ILRUN: variants seen among roughly 807,000 people sequenced by gnomAD.
The protein encoded by ILRUN is inflammation and lipid regulator with UBA-like and NBR1-like domains, also known as protein ILRUN.
A neutral mutation model predicts 33.8 loss-of-function variants in ILRUN; 3 were observed. The ratio of observed to expected loss-of-function variants is 0.09; its 90% CI spans 0.04 to 0.23. The LOEUF (loss-of-function observed/expected upper bound fraction) is 0.23. ILRUN is among the 10% of genes least tolerant of loss of function. The pLI is 1.00. For missense variants in ILRUN, 210 were observed against 375.1 expected, an observed-to-expected ratio of 0.56 and a Z score of 3.64; for synonymous variants, 124 against 138.9, an observed-to-expected ratio of 0.89 and a Z score of 0.75.
intron 1 of ILRUN, among the ~76,000 whole-genome samples, chr6:34,678,028 T>C (rs1286803625): frequency 6.6e-6 from 1 of 151,832 alleles, no homozygotes; most frequent in African/African-American, 2.4e-5. Context: ...ATATTTAATA[T>C]TACCTAATTT....
chr6:34,614,266 C>T (rs753674496), intron 3 of ILRUN, among the ~76,000 whole-genome samples: 81 of 151,168 alleles, frequency 5.4e-4, no homozygotes, highest in Middle Eastern at 3.4e-3. Context: ...ACTAAATATA[C>T]AAAAAATTAG....
chr6:34,612,198 G>C (rs1456569983), intron 3 of ILRUN, among the ~76,000 whole-genome samples: 1 of 152,080 alleles, frequency 6.6e-6, no homozygotes. Context: ...CAGACTGCTT[G>C]AACTCAGGAG....
chr6:34,601,110 G>A (rs993324616), intron 4 of ILRUN, among the ~76,000 whole-genome samples: 5 of 152,088 alleles, frequency 3.3e-5, no homozygotes, highest in African/African-American at 1.2e-4. Flanking sequence ...AAAAACTGGA[G>A]GCTGGGAAGC....
intron 1 of ILRUN, among the ~76,000 whole-genome samples, chr6:34,660,118 A>G (rs1762857628): frequency 6.7e-6 from 1 of 149,092 alleles, no homozygotes; most frequent in South Asian, 2.1e-4. Flanking sequence ...CCTAGGTAAC[A>G]TGGCGAAACC....
chr6:34,660,349 G>A (rs1158351324), intron 1 of ILRUN, among the ~76,000 whole-genome samples: 2 of 150,846 alleles, frequency 1.3e-5, no homozygotes. Context: ...AATGCCATTA[G>A]CTCAGATTCT....
At chr6:34,682,566 T>C (rs892653471) in intron 1 of ILRUN, among the ~76,000 whole-genome samples, 51 of 151,064 alleles carry the variant, frequency 3.4e-4, no homozygotes, top group Non-Finnish European at 2.4e-4. Context: ...CCAATCTCTG[T>C]CTTCTGAAGT....
chr6:34,601,393 C>T (rs944052277), intron 4 of ILRUN, among the ~76,000 whole-genome samples: 1 of 152,140 alleles, frequency 6.6e-6, no homozygotes, highest in Admixed American at 6.5e-5. Context: ...CATCTTTAAA[C>T]CTTTCATGGA....
Position 34,638,284 on chromosome 6 carries a change from C to T in ILRUN, c.511+8317G>A, listed in dbSNP as rs1204265836. On this transcript the variant is annotated intron_variant, in intron 3 of 4. Coordinates refer to ENST00000374023, the MANE Select transcript of ILRUN (RefSeq NM_024294.4). ...TGGCAGTGCAACTGACGGCAGGTTT[C>T]CTTCTTCAAAGATGAAATAGCCTAT... Among the ~76,000 whole-genome samples the T allele has an allele frequency of 6.6e-5, 10 of 152,170 alleles. No homozygotes were observed. In the East Asian group the frequency reaches 1.7e-3, roughly 26 times the overall value.
intron 1 of ILRUN, among the ~76,000 whole-genome samples, chr6:34,665,020 G>C (rs1161553001): frequency 2.0e-5 from 3 of 152,078 alleles, no homozygotes; most frequent in African/African-American, 7.2e-5. Flanking sequence ...CCAGGCTGGA[G>C]AGTGCAGTGG....
chr6:34,591,333 T>A lies in ILRUN; in HGVS notation c.862-733A>T, dbSNP rs781205384. Among the ~76,000 whole-genome samples, 15 of 152,074 alleles carry A rather than the reference T, an allele frequency of 9.9e-5. 1 individual carries two copies. Among genetic ancestry groups the A allele is most frequent in the African/African-American group, 1.4e-4 (6 of 41,486 alleles). On this transcript the variant is annotated intron_variant, in intron 4 of 4. Coordinates refer to ENST00000374023, the MANE Select transcript of ILRUN (RefSeq NM_024294.4). The stretch of plus-strand genomic sequence containing the variant: ...TAGTCAGAACCCACCCCTATAAAAA[T>A]TTTTTTAAAAAATTAGCCAGGCATG...
intron 3 of ILRUN, among the ~76,000 whole-genome samples, chr6:34,614,326 G>A (rs1761822827): frequency 2.6e-5 from 4 of 151,424 alleles, no homozygotes; most frequent in African/African-American, 9.7e-5. Context: ...GGAGGCTGAG[G>A]CAGGAGAATG....
At position 34,590,602 on chromosome 6, in the gene ILRUN, T is replaced by C; in HGVS notation, c.862-2A>G. 1 of 1,598,852 alleles carries C rather than the reference T, an allele frequency of 6.3e-7. No individual in the cohort carries two copies. ...GAAGGGGTAAGGCCCATGGAGCCCCTGGAAGAGAGTGAAGATAGTCAGTGA... is the reference window on the plus strand; with the variant it reads ...GAAGGGGTAAGGCCCATGGAGCCCCCGGAAGAGAGTGAAGATAGTCAGTGA... On this transcript the variant is annotated splice_acceptor_variant, in intron 4 of 4. Transcript: ENST00000374023. LOFTEE classifies it high-confidence loss of function.
chr6:34,665,178 G>A (rs940642984), intron 1 of ILRUN, among the ~76,000 whole-genome samples: 1 of 149,786 alleles, frequency 6.7e-6, no homozygotes. Context: ...TCTCAAGCTA[G>A]GCATGGTAGC....
rs1270237751 is a variant in ILRUN, at chr6:34,632,087, CA to C, written c.511+14513del. ...GTAGCACAATACCATATTTAAACAA[CA>C]AAAAAGTTTTTTGCTTTTAATACAT... On this transcript the variant is annotated intron_variant, in intron 3 of 4. Transcript: ENST00000374023. 4.6e-5 allele frequency among the ~76,000 whole-genome samples: 7 copies of C among 152,160 alleles called. No individual in the cohort carries two copies. The East Asian group carries it at 1.4e-3, about 29-fold the overall frequency.
intron 1 of ILRUN, among the ~76,000 whole-genome samples, chr6:34,689,652 G>A (rs948348893): frequency 1.3e-5 from 2 of 151,806 alleles, no homozygotes; most frequent in Admixed American, 6.6e-5. Context: ...CATTTAGCAC[G>A]GGTGACTGAG....
At chr6:34,633,504 T>C (rs1486764294) in intron 3 of ILRUN, among the ~76,000 whole-genome samples, 1 of 152,086 alleles carries the variant, frequency 6.6e-6, no homozygotes, top group Non-Finnish European at 1.5e-5. Context: ...GCATGGAATA[T>C]TCACCAAGAT....
intron 3 of ILRUN, among the ~76,000 whole-genome samples, chr6:34,615,000 T>C (rs1761852359): frequency 6.6e-6 from 1 of 152,086 alleles, no homozygotes; most frequent in South Asian, 2.1e-4. Context: ...TAGAAGAGAT[T>C]GGGGCACATG....
At chr6:34,633,117 A>G (rs902693553) in intron 3 of ILRUN, among the ~76,000 whole-genome samples, 1 of 152,232 alleles carries the variant, frequency 6.6e-6, no homozygotes, top group Non-Finnish European at 1.5e-5. Flanking sequence ...CACTAGTCAA[A>G]AGGAAGTTAA....
At chr6:34,641,772 T>G (rs972456338) in intron 3 of ILRUN, among the ~76,000 whole-genome samples, 1 of 151,970 alleles carries the variant, frequency 6.6e-6, no homozygotes, top group Non-Finnish European at 1.5e-5. Flanking sequence ...AAATTAGGGG[T>G]TTAAAGTTAA....
Sources: allele counts gnomAD v4.1 joint callset (sites outside exome capture counted in the v4.1 genomes callset), GRCh38; gene constraint gnomAD v4.1.1; transcripts MANE v1.5; gene names NCBI Gene and HGNC (gene_info 2026-07-23, HGNC 2026-07-21).